HIPK1: variants seen among roughly 807,000 people sequenced by gnomAD.
The protein encoded by HIPK1 is homeodomain interacting protein kinase 1, also known as homeodomain-interacting protein kinase 1.
HIPK1 carries 28 observed loss-of-function variants against 117.1 expected under a neutral mutation model. That is an observed-to-expected ratio of 0.24 (90% CI 0.18 to 0.33). The LOEUF (loss-of-function observed/expected upper bound fraction) is 0.33. Among genes scored for constraint, HIPK1 ranks in the 10% least tolerant of loss-of-function variants. The probability of loss-of-function intolerance (pLI) is 1.00; values close to 1 mark genes in which losing one functional copy is unlikely to be tolerated. For missense variants in HIPK1, 1,122 were observed against 1,475.1 expected (o/e 0.76, Z 3.92); for synonymous variants, 605 against 562.5 (o/e 1.08, Z -1.07).
Position 113,970,305 on chromosome 1 carries a change from A to G in HIPK1, c.3013+108A>G, listed in dbSNP as rs1200634543. The G allele has an allele frequency of 3.1e-5, 37 of 1,203,602 alleles. No homozygotes were observed. In the East Asian group the frequency reaches 8.5e-4, roughly 28 times the overall value. 74.6% of individuals were successfully genotyped at this position (1,203,602 alleles called of 1,614,324 possible). A position where few individuals can be genotyped will look rare whatever the true frequency, so the allele number is the denominator to read the frequency against. Reference sequence around the variant, plus strand: ...AGTGGTAGAGACCAGTGGTGTAGACATTCTTAAAGAGACCTTAATTCAGAA... The same window carrying G: ...AGTGGTAGAGACCAGTGGTGTAGACGTTCTTAAAGAGACCTTAATTCAGAA... On this transcript the variant is annotated intron_variant, in intron 14 of 15. Coordinates refer to ENST00000426820, the MANE Select transcript of HIPK1 (RefSeq NM_198268.3).
At position 113,954,709 on chromosome 1, in the gene HIPK1, C is replaced by G. The variant is rs200649379; in HGVS notation, c.1259C>G (p.Thr420Arg). The change falls in exon 4 of 16, where the codon ACA becomes AGA. Residue 420 changes from threonine (T) to arginine (R), a missense_variant. Coordinates refer to ENST00000426820, the MANE Select transcript of HIPK1 (RefSeq NM_198268.3). ...GCTGAATATCTTCTCAGTGCCGGAACAAAAACAACCAGGTTTTTCAACAGA... is the reference window on the plus strand; with the variant it reads ...GCTGAATATCTTCTCAGTGCCGGAAGAAAAACAACCAGGTTTTTCAACAGA... ...LPAEYLLSAGTKTTRFFNRDP... is the reference protein window; with the variant it reads ...LPAEYLLSAGRKTTRFFNRDP... 1.3e-4 allele frequency: 207 copies of G among 1,613,794 alleles called. No individual in the cohort carries two copies. The highest frequency in any genetic ancestry group is 5.9e-6 in the Non-Finnish European group (7 of 1,179,822).
rs771350141 is a variant in HIPK1, at chr1:113,940,878, G to A, written c.495G>A (p.Lys165=). The A allele has an allele frequency of 9.3e-6, 15 of 1,614,166 alleles. No homozygotes were observed. The highest frequency in any genetic ancestry group is 2.5e-6 in the Non-Finnish European group (3 of 1,180,034). Residue 165 remains lysine (K), a synonymous_variant, in exon 2 of 16, where the codon AAG becomes AAA. Transcript: ENST00000426820. The part of the protein sequence containing the change: ...AAATTTTVTT[K]SSSSSGEGDY... ...CCACAACCACCACTGTGACCACAAA[G>A]AGTAGCAGTTCCAGCGGAGAAGGGG...
At chr1:113,956,558 G>A (rs890122152) in intron 5 of HIPK1, 69 bp from the exon 6 acceptor site, 2 of 1,082,006 alleles carry the variant, frequency 1.8e-6, no homozygotes, top group African/African-American at 3.2e-5. Flanking sequence ...AGTTTGGAGG[G>A]AAAGCAGCTA....
chr1:113,971,873 A>G lies in HIPK1; in HGVS notation c.3063A>G (p.Ser1021=). 1 of 1,601,562 alleles carries G rather than the reference A, an allele frequency of 6.2e-7. No homozygotes were observed. Among genetic ancestry groups the G allele is most frequent in the South Asian group, 1.1e-5 (1 of 88,406 alleles). The change falls in exon 15 of 16, where the codon TCA becomes TCG. Residue 1021 remains serine, a synonymous_variant. Coordinates refer to ENST00000426820, the MANE Select transcript of HIPK1 (RefSeq NM_198268.3). ...CAGTCGCTTCAGTGAGTGGGCAGTC[A>G]TCTGGATGCTGTATCACCCCCACAG... ...TKPVASVSGQ[S]SGCCITPTGY...
chr1:113,960,953 A>G (rs1672066554), intron 8 of HIPK1, among the ~76,000 whole-genome samples: 1 of 152,196 alleles, frequency 6.6e-6, no homozygotes, highest in African/African-American at 2.4e-5. Context: ...CCATAGTAAT[A>G]TTAAGAGAAA....
rs565863068 is a variant in HIPK1 at position 113,952,464 on chromosome 1, C to T, written c.1077-302C>T. ...ATTTAGCCAACTTAGTATGACTGTTCCATGTTTTGTTGCAGAAATATTAAT... is the reference window on the plus strand; with the variant it reads ...ATTTAGCCAACTTAGTATGACTGTTTCATGTTTTGTTGCAGAAATATTAAT... On this transcript the variant is annotated intron_variant, in intron 2 of 15. Coordinates refer to ENST00000426820, the MANE Select transcript of HIPK1 (RefSeq NM_198268.3). 6.6e-4 allele frequency among the ~76,000 whole-genome samples: 101 copies of T among 152,216 alleles called. 1 individual carries two copies. The highest frequency in any genetic ancestry group is 2.4e-3 in the African/African-American group (99 of 41,548).
chr1:113,959,560 G>C (rs551480041), intron 8 of HIPK1, among the ~76,000 whole-genome samples: 11 of 152,202 alleles, frequency 7.2e-5, no homozygotes, highest in African/African-American at 2.7e-4. Context: ...ACAGTTTTCA[G>C]ATGTGGGACC....
intron 2 of HIPK1, chr1:113,951,133 A>G (rs1671335634): frequency 1.5e-6 from 1 of 652,782 alleles, no homozygotes; most frequent in Middle Eastern, 8.1e-4. Context: ...AACTTAGAAC[A>G]GTGCATGGCA....
intron 1 of HIPK1, among the ~76,000 whole-genome samples, chr1:113,938,470 G>A (rs947732938): frequency 6.6e-6 from 1 of 151,984 alleles, no homozygotes; most frequent in Non-Finnish European, 1.5e-5. Context: ...GAAGCAAGAT[G>A]GTTAAGAAGA....
chr1:113,944,996 C>A (rs1465406751), intron 2 of HIPK1, among the ~76,000 whole-genome samples: 1 of 152,006 alleles, frequency 6.6e-6, no homozygotes, highest in African/African-American at 2.4e-5. Flanking sequence ...TACGGGCATG[C>A]ACCCCCACAC....
In HIPK1 at chr1:113,973,117, GC is replaced by G; in HGVS notation, c.3243del (p.Tyr1082ThrfsTer118). On this transcript the variant is annotated frameshift_variant, in exon 16 of 16. Transcript: ENST00000426820. LOFTEE classifies it high-confidence loss of function. Reference sequence around the variant, plus strand: ...GGCGTTTGTGGCCCCTCTCTCCCAAGCCCCCTACACCTTCCAGCATGGCAGC... The same window carrying G: ...GGCGTTTGTGGCCCCTCTCTCCCAAGCCCCTACACCTTCCAGCATGGCAGC... ...QQAFVAPLSQ[A>X]PYTFQHGSPL... 1 of 1,572,434 alleles carries G rather than the reference GC, an allele frequency of 6.4e-7. No homozygotes were observed. The highest frequency in any genetic ancestry group is 8.6e-7 in the Non-Finnish European group (1 of 1,158,446).
intron 2 of HIPK1, among the ~76,000 whole-genome samples, chr1:113,947,089 T>G (rs1671035086): frequency 6.6e-6 from 1 of 152,224 alleles, no homozygotes; most frequent in African/African-American, 2.4e-5. Context: ...CTTTTTAGTT[T>G]ACCTTGCTTT....
intron 1 of HIPK1, chr1:113,932,116 TC>T (rs1386726265): frequency 6.6e-6 from 1 of 152,176 alleles, no homozygotes; most frequent in Non-Finnish European, 1.5e-5. Context: ...CCTAATATAT[TC>T]CTGTAGTGCA....
Position 113,973,081 on chromosome 1 carries a change from C to G in HIPK1, c.3202C>G (p.Arg1068Gly), listed in dbSNP as rs1333652557. Residue 1068 changes from arginine (R) to glycine (G), a missense_variant, in exon 16 of 16, where the codon CGC (arginine) becomes GGC (glycine). Around this residue, in one of 6 missense-constraint regions of HIPK1, gnomAD observed 731 missense variants for 860.4 expected, o/e 0.85. Transcript: ENST00000426820. ...GGAGAGAAGCAGCAACCCAGCCCCC[C>G]GCAGGCAGCAGGCGTTTGTGGCCCC... ...SQERSSNPAP[R>G]RQQAFVAPLS... The G allele has an allele frequency of 1.3e-5, 20 of 1,535,428 alleles. No individual in the cohort carries two copies. Among genetic ancestry groups the G allele is most frequent in the Non-Finnish European group, 1.6e-5 (18 of 1,141,198 alleles).
Position 113,956,714 on chromosome 1 carries a change from C to A in HIPK1, c.1495C>A (p.Leu499Ile). The change falls in exon 6 of 16, where the codon CTC (leucine) becomes ATC (isoleucine). Residue 499 changes from leucine (L) to isoleucine (I), a missense_variant. Transcript: ENST00000426820. ...ATACATTGATCTGTTAAAGAAAATG[C>A]TCACAATTGATGCAGATAAGAGAAT... ...REYIDLLKKM[L>I]TIDADKRITP... 1 of 1,613,782 alleles carries A rather than the reference C, an allele frequency of 6.2e-7. No homozygotes were observed. The highest frequency in any genetic ancestry group is 8.5e-7 in the Non-Finnish European group (1 of 1,179,666).
At chr1:113,954,812 CCTCA>C in intron 4 of HIPK1, 42 bp downstream of exon 4, 1 of 1,526,888 alleles carries the variant, frequency 6.5e-7, no homozygotes, top group Non-Finnish European at 9.0e-7. Flanking sequence ...GTACTCCACC[CCTCA>C]CTCCCCAATT....
rs1293541098 is a variant in HIPK1 at position 113,956,710 on chromosome 1, A to G, written c.1491A>G (p.Lys497=). The part of the protein sequence containing the change: ...DRREYIDLLK[K]MLTIDADKRI... Reference sequence around the variant, plus strand: ...GAGAATACATTGATCTGTTAAAGAAAATGCTCACAATTGATGCAGATAAGA... The same window carrying G: ...GAGAATACATTGATCTGTTAAAGAAGATGCTCACAATTGATGCAGATAAGA... Residue 497 remains lysine (K), a synonymous_variant, in exon 6 of 16, where the codon AAA becomes AAG. Coordinates refer to ENST00000426820, the MANE Select transcript of HIPK1 (RefSeq NM_198268.3). The G allele has an allele frequency of 6.2e-7, 1 of 1,613,982 alleles. No homozygotes were observed. Among genetic ancestry groups the G allele is most frequent in the Non-Finnish European group, 8.5e-7 (1 of 1,179,940 alleles).
intron 5 of HIPK1, among the ~76,000 whole-genome samples, chr1:113,955,921 C>T (rs1671685447): frequency 6.6e-6 from 1 of 152,166 alleles, no homozygotes; most frequent in South Asian, 2.1e-4. Flanking sequence ...CCCATTTTCT[C>T]TATTAAATAC....
At chr1:113,967,278 T>C (rs1672514111) in intron 11 of HIPK1, among the ~76,000 whole-genome samples, 1 of 152,206 alleles carries the variant, frequency 6.6e-6, no homozygotes, top group Admixed American at 6.5e-5. Context: ...AGCTCAATTT[T>C]TAGTTTTTAC....
Sources: gnomAD v4.1 joint callset for allele counts (sites outside exome capture counted in the v4.1 genomes callset) on GRCh38, gnomAD v4.1.1 for gene constraint, gnomAD v4.1.1 regional missense constraint, MANE v1.5 for transcripts, NCBI Gene and HGNC (gene_info 2026-07-23, HGNC 2026-07-21) for gene names.